SATB1: variants seen among roughly 807,000 people sequenced by gnomAD.
SATB1 encodes SATB homeobox 1.
Under a neutral mutation model 86.9 loss-of-function variants are expected in SATB1, and 11 were observed. That is an observed-to-expected ratio of 0.13 (90% CI 0.08 to 0.21). The LOEUF (loss-of-function observed/expected upper bound fraction) is 0.21, where lower values mean the gene tolerates loss of function less well. Ranked by LOEUF, SATB1 falls within the 10% of genes least tolerant of loss-of-function variation. The pLI is 1.00. For synonymous variants in SATB1, 357 were observed against 357.2 expected (o/e 1.00, Z 0.01); for missense variants, 551 against 937.6 (o/e 0.59, Z 5.39).
intron 8 of SATB1, among the ~76,000 whole-genome samples, chr3:18,385,850 A>G (rs1258070106): frequency 2.0e-5 from 3 of 152,260 alleles, no homozygotes; most frequent in Admixed American, 2.0e-4. Context: ...TAAGAAAGAG[A>G]AAACATGCCC....
At chr3:18,400,903 A>C (rs947693870) in intron 5 of SATB1, among the ~76,000 whole-genome samples, 2 of 152,174 alleles carry the variant, frequency 1.3e-5, no homozygotes, top group Non-Finnish European at 2.9e-5. Context: ...CCACGGGGAA[A>C]TATTTCTTTC....
At chr3:18,437,278 G>A (rs113524606) in intron 1 of SATB1, among the ~76,000 whole-genome samples, 23 of 151,884 alleles carry the variant, frequency 1.5e-4, no homozygotes, top group African/African-American at 5.1e-4. Context: ...TAAAACCACT[G>A]AGGAGCAATA....
chr3:18,428,234 A>G (rs1275759032), upstream of SATB1, among the ~76,000 whole-genome samples: 1 of 152,128 alleles, frequency 6.6e-6, no homozygotes, highest in Non-Finnish European at 1.5e-5. Flanking sequence ...GGCACTGGAT[A>G]TTACATGGCA....
At chr3:18,440,239 G>C (rs1156906861), upstream of SATB1, among the ~76,000 whole-genome samples, 1 of 152,114 alleles carries the variant, frequency 6.6e-6, no homozygotes, top group African/African-American at 2.4e-5. Context: ...AGATTCTTTT[G>C]GGGTTTTGAT....
upstream of SATB1, among the ~76,000 whole-genome samples, chr3:18,440,390 A>G (rs1003288375): frequency 6.6e-6 from 1 of 152,188 alleles, no homozygotes; most frequent in Admixed American, 6.5e-5. Context: ...CTCGACCCCT[A>G]TCCCCAACCA....
chr3:18,352,052 C>T lies in SATB1; in HGVS notation c.1719G>A (p.Ala573=), dbSNP rs377110906. ...RDAIYEQESN[A]VHHHGDRPPH... is the part of the protein sequence containing the mutation. Reference sequence around the variant, plus strand: ...GCGGCCTGTCGCCATGGTGATGCACCGCGTTGCTCTCCTGTTCATAAATGG... The same window carrying T: ...GCGGCCTGTCGCCATGGTGATGCACTGCGTTGCTCTCCTGTTCATAAATGG... The change falls in exon 10 of 11, where the codon GCG becomes GCA. Residue 573 remains alanine, a synonymous_variant. Transcript: ENST00000338745. The surrounding 1 kb of genome is among the most constrained non-coding windows in gnomAD (Gnocchi z 4.1). The T allele has an allele frequency of 5.6e-5, 90 of 1,614,048 alleles. No homozygotes were observed. The highest frequency in any genetic ancestry group is 5.0e-5 in the Admixed American group (3 of 60,004).
At chr3:18,426,023 G>A (rs183771413), upstream of SATB1, among the ~76,000 whole-genome samples, 33 of 152,308 alleles carry the variant, frequency 2.2e-4, no homozygotes, top group East Asian at 5.4e-3. The surrounding 1 kb of genome is among the most constrained non-coding windows in gnomAD (Gnocchi z 4.2). Context: ...AGAAGGGCGC[G>A]GGTACGCAGG....
chr3:18,445,334 TCCCA>T, intron 1 of SATB1: 2 of 977,726 alleles, frequency 2.0e-6, no homozygotes, highest in Non-Finnish European at 2.4e-6. Flanking sequence ...CCGGGCTCCC[TCCCA>T]GCGCGCCGGC....
rs188308849 is a variant in SATB1, at chr3:18,394,454, C to A, written c.1206+8G>T. 5 of 1,612,494 alleles carry A rather than the reference C, an allele frequency of 3.1e-6. No individual in the cohort carries two copies. Among genetic ancestry groups the A allele is most frequent in the Non-Finnish European group, 4.2e-6 (5 of 1,178,688 alleles). ...ACAGCACAGAACCACTTATGAAACA[C>A]AACTGACCTGAGTTCTGTTAAAAGC... On this transcript the variant is annotated splice_region_variant and intron_variant, in intron 7 of 10. Transcript: ENST00000338745. This position sits in a 1 kb window ranked among gnomAD's most constrained non-coding sequence, Gnocchi z 5.9.
chr3:18,385,201 C>T lies in SATB1; in HGVS notation c.1419+1198G>A, dbSNP rs148701951. 2.6e-5 allele frequency among the ~76,000 whole-genome samples: 4 copies of T among 152,074 alleles called. No homozygotes were observed. In the South Asian group the frequency reaches 6.2e-4, roughly 24 times the overall value. The stretch of plus-strand genomic sequence containing the variant: ...ACCATTGATGAGAATGAAGTAAAAT[C>T]GAGATACAATTTCACTATGAGATTG... On this transcript the variant is annotated intron_variant, in intron 8 of 10. Coordinates refer to ENST00000338745, the MANE Select transcript of SATB1 (RefSeq NM_002971.6).
At position 18,425,099 on chromosome 3, in the gene SATB1, C is replaced by T. The variant is rs983935027; in HGVS notation, c.-1497G>A. The T allele has an allele frequency of 1.5e-4, 25 of 164,286 alleles. 1 individual carries two copies. The highest frequency in any genetic ancestry group is 6.5e-5 in the Admixed American group (1 of 15,360). The allele number at this position is 164,286 out of a possible 1,614,324, so 10.2% of individuals were successfully genotyped here. A position where few individuals can be genotyped will look rare whatever the true frequency, so the allele number is the denominator to read the frequency against. The stretch of plus-strand genomic sequence containing the variant: ...GCCGCCGCCGTGCCCCGCTCGGCTC[C>T]GCGCGTCCGCCCGGGCTGCAGCCCT... On this transcript the variant is annotated 5_prime_UTR_variant, in exon 1 of 11. Transcript: ENST00000338745.
chr3:18,378,173 G>A lies in SATB1; in HGVS notation c.1572C>T (p.Ser524=). 1 of 1,572,904 alleles carries A rather than the reference G, an allele frequency of 6.4e-7. No individual in the cohort carries two copies. Among genetic ancestry groups the A allele is most frequent in the Non-Finnish European group, 8.6e-7 (1 of 1,163,796 alleles). Residue 524 remains serine (S), a synonymous_variant, in exon 9 of 11, where the codon AGC becomes AGT. Transcript: ENST00000338745. ...AATGCCTAACAGAGGCTCTTACCTG[G>A]CTTTTGGTTGCTGCAACCTTTGCAA... ...ALFAKVAATK[S]QGWLCELLRW...
chr3:18,363,664 G>C (rs1253088677), intron 9 of SATB1, among the ~76,000 whole-genome samples: 1 of 152,078 alleles, frequency 6.6e-6, no homozygotes, highest in Non-Finnish European at 1.5e-5. Flanking sequence ...GCATTTGTGA[G>C]GGTAATATTG....
chr3:18,353,516 G>C (rs986069272), intron 9 of SATB1, among the ~76,000 whole-genome samples: 4 of 151,914 alleles, frequency 2.6e-5, no homozygotes, highest in African/African-American at 7.3e-5. Context: ...AAATAAATTA[G>C]TTGGATGAAA....
At chr3:18,404,256 G>C (rs1351390962) in intron 5 of SATB1, among the ~76,000 whole-genome samples, 1 of 152,026 alleles carries the variant, frequency 6.6e-6, no homozygotes, top group African/African-American at 2.4e-5. Context: ...GTGCTTGTCA[G>C]CTTCTGTTTC....
intron 4 of SATB1, 69 bp downstream of exon 4, chr3:18,415,938 G>C: frequency 7.1e-7 from 1 of 1,418,094 alleles, no homozygotes; most frequent in African/African-American, 1.4e-5. Context: ...GTCGACCAGA[G>C]AGAAATGCTT....
At chr3:18,433,192 A>G (rs1417171152) in intron 2 of SATB1, among the ~76,000 whole-genome samples, 1 of 152,170 alleles carries the variant, frequency 6.6e-6, no homozygotes, top group East Asian at 1.9e-4. Context: ...AAGTCCAAAA[A>G]ATTCTTTTGG....
intron 10 of SATB1, chr3:18,351,545 T>A: frequency 1.6e-6 from 1 of 638,592 alleles, no homozygotes; most frequent in South Asian, 2.0e-5. Flanking sequence ...CCTCCCCTCC[T>A]CTTTCTGGAC....
intron 9 of SATB1, among the ~76,000 whole-genome samples, chr3:18,369,171 AAAAAAG>A (rs1183454175): frequency 1.2e-4 from 16 of 128,182 alleles, no homozygotes; most frequent in Admixed American, 1.8e-4. Context: ...TTAAAAAAAA[AAAAAAG>A]AAAGAAAAGC....
Sources: allele counts gnomAD v4.1 joint callset (sites outside exome capture counted in the v4.1 genomes callset), GRCh38; gene constraint gnomAD v4.1.1; non-coding constraint Gnocchi (gnomAD v3.1); transcripts MANE v1.5; gene names NCBI Gene and HGNC (gene_info 2026-07-23, HGNC 2026-07-21).